The following LIG3 variants were observed in gnomAD, a reference collection of about 807,000 sequenced individuals.
The protein encoded by LIG3 is DNA ligase 3.
A neutral mutation model predicts 110.9 loss-of-function variants in LIG3; 58 were observed. That is an observed-to-expected ratio of 0.52 (90% confidence interval 0.42 to 0.65). The LOEUF is 0.65. LIG3 is among the 30% of genes least tolerant of loss of function. The pLI, the probability that LIG3 is intolerant of heterozygous loss-of-function variation, is 0.00. For synonymous variants in LIG3, 422 were observed against 472.8 expected, an observed-to-expected ratio of 0.89 and a Z score of 1.39; for missense variants, 1,094 against 1,273.8, an observed-to-expected ratio of 0.86 and a Z score of 2.15.
At chr17:34,982,652 A>G (rs998939358) in intron 1 of LIG3, among the ~76,000 whole-genome samples, 37 of 152,048 alleles carry the variant, frequency 2.4e-4, no homozygotes, top group Non-Finnish European at 4.4e-4. Context: ...CGCCTCAAAA[A>G]AAAAAAAAAA....
At chr17:34,984,671 A>C (rs1349280939) in intron 2 of LIG3, among the ~76,000 whole-genome samples, 2 of 143,346 alleles carry the variant, frequency 1.4e-5, no homozygotes, top group Non-Finnish European at 3.0e-5. Flanking sequence ...TGAGAGTCTC[A>C]CTCTGACCCA....
At chr17:34,995,146 T>G (rs1288602101) in intron 9 of LIG3, among the ~76,000 whole-genome samples, 1 of 152,168 alleles carries the variant, frequency 6.6e-6, no homozygotes, top group African/African-American at 2.4e-5. Flanking sequence ...TCAGACTCAG[T>G]TTTTCAGAGC....
chr17:34,998,921 G>A lies in LIG3; in HGVS notation c.2113+194G>A, dbSNP rs181046710. 90 of 604,442 alleles carry A rather than the reference G, an allele frequency of 1.5e-4. No homozygotes were observed. In the East Asian group the frequency reaches 2.6e-3, roughly 17 times the overall value. The allele number at this position is 604,442 out of a possible 1,614,324, so 37.4% of individuals were successfully genotyped here. ...ACTCGGTTAGGGAGAAGTCAGAATAGAGTACCCTATGCTAGCCTAGCAGAA... is the reference window on the plus strand; with the variant it reads ...ACTCGGTTAGGGAGAAGTCAGAATAAAGTACCCTATGCTAGCCTAGCAGAA... On this transcript the variant is annotated intron_variant, in intron 14 of 19. Transcript: ENST00000378526.
chr17:34,995,338 C>G (rs1448819706), intron 9 of LIG3, among the ~76,000 whole-genome samples: 1 of 152,196 alleles, frequency 6.6e-6, no homozygotes, highest in Admixed American at 6.5e-5. Flanking sequence ...CACTGCAAAT[C>G]ACTCAGGAGC....
intron 4 of LIG3, among the ~76,000 whole-genome samples, chr17:34,990,467 A>G (rs2090707205): frequency 6.6e-6 from 1 of 152,102 alleles, no homozygotes; most frequent in Admixed American, 6.5e-5. Context: ...TTTTGTAGAG[A>G]CGGGGTTTTG....
rs2090881895 is a variant in LIG3, at chr17:35,004,744, TTTTTG to T, written c.*243_*247del. On this transcript the variant is annotated 3_prime_UTR_variant, in exon 20 of 20. Coordinates refer to ENST00000378526, the MANE Select transcript of LIG3 (RefSeq NM_013975.4). Reference sequence around the variant, plus strand: ...AGAGCTGGGTGCTGGGTTTGCCATCTTTTTGTTTTCTTTGAAAAGCAGCTTAGTTA... The same window carrying T: ...AGAGCTGGGTGCTGGGTTTGCCATCTTTTTCTTTGAAAAGCAGCTTAGTTA... 11 of 495,858 alleles carry T rather than the reference TTTTTG, an allele frequency of 2.2e-5. No individual in the cohort carries two copies. The South Asian group carries it at 3.6e-4, about 16-fold the overall frequency. The allele number at this position is 495,858 out of a possible 1,614,324, so 30.7% of individuals were successfully genotyped here. A position where few individuals can be genotyped will look rare whatever the true frequency, so the allele number is the denominator to read the frequency against.
intron 10 of LIG3, 178 bp downstream of exon 10, chr17:34,996,373 G>C (rs2090777885): frequency 1.2e-6 from 1 of 858,548 alleles, no homozygotes; most frequent in African/African-American, 1.7e-5. Context: ...AAAGGGGCTG[G>C]TATTGGGAAC....
chr17:34,982,924 G>C, intron 1 of LIG3, 78 bp from the exon 2 acceptor site: 1 of 1,167,560 alleles, frequency 8.6e-7, no homozygotes, highest in South Asian at 1.6e-5. Flanking sequence ...ATAAGACGCT[G>C]GCCTTTGGAA....
intron 8 of LIG3, among the ~76,000 whole-genome samples, chr17:34,993,031 C>T (rs1247172501): frequency 1.3e-5 from 2 of 152,068 alleles, no homozygotes; most frequent in African/African-American, 4.8e-5. Context: ...TATCTGTTAT[C>T]TTACCTGAAG....
intron 18 of LIG3, 121 bp from the exon 19 acceptor site, chr17:35,002,547 G>A: frequency 9.9e-7 from 1 of 1,005,868 alleles, no homozygotes; most frequent in South Asian, 1.6e-5. Context: ...CATCCAGGCT[G>A]GAGTGCAGTG....
Position 34,983,499 on chromosome 17 carries a change from G to T in LIG3, c.494G>T (p.Gly165Val), listed in dbSNP as rs1305748395. The change falls in exon 2 of 20, where the codon GGC becomes GTC. Residue 165 changes from glycine to valine, a missense_variant. Coordinates refer to ENST00000378526, the MANE Select transcript of LIG3 (RefSeq NM_013975.4). The stretch of plus-strand genomic sequence containing the variant: ...ATCGAGGACCTCACAGAGCTGGAAG[G>T]CTGGGAAGAGCTGGAAGATAATGAG... ...KKIEDLTELE[G>V]WEELEDNEKE... 2 of 1,613,964 alleles carry T rather than the reference G, an allele frequency of 1.2e-6. No homozygotes were observed. The highest frequency in any genetic ancestry group is 1.3e-5 in the African/African-American group (1 of 74,928).
chr17:34,986,152 T>G, intron 3 of LIG3, 21 bp downstream of exon 3: 1 of 1,612,286 alleles, frequency 6.2e-7, no homozygotes, highest in Non-Finnish European at 8.5e-7. Flanking sequence ...TTAGGGCTAC[T>G]TTAGCTGTTA....
chr17:35,004,399 G>A lies in LIG3; in HGVS notation c.2923G>A (p.Ala975Thr), dbSNP rs1597805811. 1.2e-6 allele frequency: 2 copies of A among 1,614,206 alleles called. No individual in the cohort carries two copies. Among genetic ancestry groups the A allele is most frequent in the Middle Eastern group, 3.3e-4 (2 of 6,062 alleles). The change falls in exon 20 of 20, where the codon GCC (alanine) becomes ACC (threonine). Residue 975 changes from alanine (A) to threonine (T), a missense_variant. Coordinates refer to ENST00000378526, the MANE Select transcript of LIG3 (RefSeq NM_013975.4). The part of the protein sequence containing the change: ...DLVQEFDMTS[A>T]THVLGSRDKN... Reference sequence around the variant, plus strand: ...GGTACAGGAATTTGATATGACTTCAGCCACGCACGTGCTGGGTAGCAGGGA... The same window carrying A: ...GGTACAGGAATTTGATATGACTTCAACCACGCACGTGCTGGGTAGCAGGGA...
At chr17:34,984,842 G>A (rs2090639508) in intron 2 of LIG3, among the ~76,000 whole-genome samples, 1 of 151,386 alleles carries the variant, frequency 6.6e-6, no homozygotes, top group Non-Finnish European at 1.5e-5. Flanking sequence ...CAGTGGCACT[G>A]TCTTAGCTCA....
chr17:35,004,378 C>T lies in LIG3; in HGVS notation c.2902C>T (p.Gln968Ter). The change falls in exon 20 of 20, where the codon CAG (glutamine) becomes TAG (stop). Residue 968 changes from glutamine (Q) to a stop codon, truncating the protein, a stop_gained. Transcript: ENST00000378526. LOFTEE classifies it high-confidence loss of function. ...TGTGGCATTCGACGGGGACCTGGTA[C>T]AGGAATTTGATATGACTTCAGCCAC... ...YFVAFDGDLV[Q>*]EFDMTSATHV... is the part of the protein sequence containing the mutation. The T allele has an allele frequency of 1.9e-6, 3 of 1,614,184 alleles. No individual in the cohort carries two copies. Among genetic ancestry groups the T allele is most frequent in the Non-Finnish European group, 2.5e-6 (3 of 1,180,034 alleles).
intron 3 of LIG3, among the ~76,000 whole-genome samples, chr17:34,988,683 G>A (rs1317123846): frequency 6.6e-6 from 1 of 152,034 alleles, no homozygotes. Context: ...TGGGGAGCAG[G>A]GTTTTATTTT....
chr17:34,995,281 G>T (rs989720336), intron 9 of LIG3, among the ~76,000 whole-genome samples: 1 of 152,230 alleles, frequency 6.6e-6, no homozygotes, highest in African/African-American at 2.4e-5. Flanking sequence ...AGGCTAAGCA[G>T]TGGCCTCATT....
rs768940709 is a variant in LIG3, at chr17:35,008,208, C to T, written c.*3702C>T. ...AGATCAGTGTAAATATCTGAACTCACTTGGTGCTTCAACCCAATTGGTCTT... is the reference window on the plus strand; with the variant it reads ...AGATCAGTGTAAATATCTGAACTCATTTGGTGCTTCAACCCAATTGGTCTT... On this transcript the variant is annotated 3_prime_UTR_variant, in exon 20 of 20. Transcript: ENST00000378526. 2 of 152,250 alleles carry T rather than the reference C, an allele frequency of 1.3e-5. No homozygotes were observed. The highest frequency in any genetic ancestry group is 2.9e-5 in the Non-Finnish European group (2 of 68,052). The allele number at this position is 152,250 out of a possible 1,614,324, so 9.4% of individuals were successfully genotyped here. A position where few individuals can be genotyped will look rare whatever the true frequency, so the allele number is the denominator to read the frequency against.
chr17:34,988,842 C>T (rs1387130028), intron 3 of LIG3, among the ~76,000 whole-genome samples: 2 of 152,116 alleles, frequency 1.3e-5, no homozygotes, highest in African/African-American at 4.8e-5. Context: ...ACCTCAGTCC[C>T]CTTATCAGTA....
Sources: allele counts gnomAD v4.1 joint callset (sites outside exome capture counted in the v4.1 genomes callset), GRCh38; gene constraint gnomAD v4.1.1; transcripts MANE v1.5; gene names NCBI Gene and HGNC (gene_info 2026-07-23, HGNC 2026-07-21).